OCIAD1: variants seen among roughly 807,000 people sequenced by gnomAD.
OCIAD1 encodes the protein OCIA domain-containing protein 1.
In OCIAD1, 29 loss-of-function variants were observed where a neutral mutation model predicts 38.9. The observed-to-expected ratio is 0.74, with a 90% CI of 0.55 to 1.02. OCIAD1 has a LOEUF of 1.02. OCIAD1 is among the 50% of genes least tolerant of loss of function. The probability of loss-of-function intolerance (pLI) is 0.00; values close to 1 mark genes in which losing one functional copy is unlikely to be tolerated. For missense variants in OCIAD1, 288 were observed against 289.6 expected (o/e 0.99, Z 0.04); for synonymous variants, 110 against 92.0 (o/e 1.20, Z -1.12).
At chr4:48,857,432 A>G (rs767375781) in intron 8 of OCIAD1, 67 bp downstream of exon 8, 9 of 962,104 alleles carry the variant, frequency 9.4e-6, no homozygotes, top group Non-Finnish European at 1.3e-5. Flanking sequence ...CTTTAAAACA[A>G]TACTATAAAA....
At chr4:48,841,465 A>G (rs1222954063) in intron 3 of OCIAD1, among the ~76,000 whole-genome samples, 2 of 152,122 alleles carry the variant, frequency 1.3e-5, no homozygotes, top group African/African-American at 4.8e-5. Flanking sequence ...AGTCATAACA[A>G]TGTGTGAAGT....
intron 6 of OCIAD1, 24 bp from the exon 7 acceptor site, chr4:48,851,782 C>T (rs1779499722): frequency 2.2e-6 from 3 of 1,384,612 alleles, no homozygotes; most frequent in Non-Finnish European, 2.1e-6. Context: ...ATATTTCTTA[C>T]TACAATATGA....
At chr4:48,851,230 C>G (rs1779426872) in intron 6 of OCIAD1, among the ~76,000 whole-genome samples, 1 of 152,176 alleles carries the variant, frequency 6.6e-6, no homozygotes, top group African/African-American at 2.4e-5. Flanking sequence ...CAAGAACTTT[C>G]AAACATACTA....
In OCIAD1 at chr4:48,815,265, G is replaced by A. The variant is rs568488898; in HGVS notation, c.-103+9935G>A. 7.9e-5 allele frequency among the ~76,000 whole-genome samples: 12 copies of A among 152,152 alleles called. No individual in the cohort carries two copies. In the South Asian group the frequency reaches 2.5e-3, roughly 32 times the overall value. On this transcript the variant is annotated intron_variant, in intron 1 of 6. Transcript: ENST00000504654. Reference sequence around the variant, plus strand: ...AAGGCGGAGGTTGCAGTGATCTGAGGTCGCGCCACACTCCAGCCCGGGGAA... The same window carrying A: ...AAGGCGGAGGTTGCAGTGATCTGAGATCGCGCCACACTCCAGCCCGGGGAA...
chr4:48,832,865 G>A (rs1236181011), intron 2 of OCIAD1, 183 bp downstream of exon 2: 3 of 591,518 alleles, frequency 5.1e-6, no homozygotes, highest in African/African-American at 1.9e-5. Context: ...GGAGTCCCAC[G>A]TTTTTATTTT....
chr4:48,842,534 A>G (rs1778631134), intron 3 of OCIAD1, 102 bp from the exon 4 acceptor site: 1 of 736,492 alleles, frequency 1.4e-6, no homozygotes, highest in Non-Finnish European at 2.4e-6. Context: ...TAGTTATGCA[A>G]TATAATTCCT....
At chr4:48,822,681 C>A (rs550986322) in intron 1 of OCIAD1, among the ~76,000 whole-genome samples, 1 of 151,896 alleles carries the variant, frequency 6.6e-6, no homozygotes, top group South Asian at 2.1e-4. Flanking sequence ...CTATAAGGAA[C>A]TTAAATTTAC....
chr4:48,810,800 A>G (rs1237437816), intron 1 of OCIAD1, among the ~76,000 whole-genome samples: 1 of 151,996 alleles, frequency 6.6e-6, no homozygotes, highest in Non-Finnish European at 1.5e-5. Flanking sequence ...GGCAGGAAAT[A>G]GAAGGGGGAT....
chr4:48,827,755 T>C (rs1579038179), upstream of OCIAD1, among the ~76,000 whole-genome samples: 1 of 152,242 alleles, frequency 6.6e-6, no homozygotes, highest in South Asian at 2.1e-4. Flanking sequence ...CAATCTACCA[T>C]GTGCTATTGC....
intron 1 of OCIAD1, among the ~76,000 whole-genome samples, chr4:48,825,583 C>T (rs1777242039): frequency 6.6e-6 from 1 of 152,142 alleles, no homozygotes; most frequent in African/African-American, 2.4e-5. Context: ...CAGAGGACCC[C>T]CAAAGAAGGT....
intron 4 of OCIAD1, among the ~76,000 whole-genome samples, chr4:48,846,978 G>A (rs1220334947): frequency 1.3e-5 from 2 of 151,604 alleles, no homozygotes; most frequent in Non-Finnish European, 2.9e-5. Flanking sequence ...GTTTTGCCAA[G>A]AATATGGTGC....
chr4:48,816,026 C>A (rs547858564), intron 1 of OCIAD1, among the ~76,000 whole-genome samples: 1 of 152,292 alleles, frequency 6.6e-6, no homozygotes, highest in East Asian at 1.9e-4. Context: ...CAACCATTCT[C>A]TTGCCAATAT....
At chr4:48,849,696 A>G (rs1779260715) in intron 5 of OCIAD1, among the ~76,000 whole-genome samples, 1 of 152,158 alleles carries the variant, frequency 6.6e-6, no homozygotes, top group Admixed American at 6.5e-5. Flanking sequence ...TTAGTATACT[A>G]TAATTGATTT....
At chr4:48,830,880 C>A (rs1326577630), upstream of OCIAD1, 1 of 154,520 alleles carries the variant, frequency 6.5e-6, no homozygotes, top group African/African-American at 2.4e-5. Context: ...CCTTCCCCGC[C>A]ATCCAGGGAA....
intron 1 of OCIAD1, among the ~76,000 whole-genome samples, chr4:48,813,433 C>G (rs142464689): frequency 2.6e-5 from 4 of 152,164 alleles, no homozygotes; most frequent in Admixed American, 2.0e-4. Flanking sequence ...GTGAGTGGAT[C>G]GCCTGAACTC....
intron 8 of OCIAD1, among the ~76,000 whole-genome samples, chr4:48,859,925 G>C (rs1307618336): frequency 6.6e-6 from 1 of 152,118 alleles, no homozygotes; most frequent in Non-Finnish European, 1.5e-5. Flanking sequence ...ACTCATGAGG[G>C]AATGAGAGCA....
intron 1 of OCIAD1, among the ~76,000 whole-genome samples, chr4:48,807,061 C>A (rs564158486): frequency 1.3e-5 from 2 of 152,298 alleles, no homozygotes; most frequent in Non-Finnish European, 2.9e-5. Flanking sequence ...ACACCACCAA[C>A]AGGTGGCTAT....
At chr4:48,817,904 G>C (rs1440744909) in intron 1 of OCIAD1, among the ~76,000 whole-genome samples, 1 of 152,212 alleles carries the variant, frequency 6.6e-6, no homozygotes, top group Non-Finnish European at 1.5e-5. Flanking sequence ...AACAGCCCTA[G>C]TCAGGGACTT....
chr4:48,807,828 T>A (rs1777044409), intron 1 of OCIAD1, among the ~76,000 whole-genome samples: 1 of 152,190 alleles, frequency 6.6e-6, no homozygotes, highest in Non-Finnish European at 1.5e-5. Flanking sequence ...GCTTCAAACG[T>A]GGGTGTTTCC....
Sources: allele counts gnomAD v4.1 joint callset (sites outside exome capture counted in the v4.1 genomes callset), GRCh38; gene constraint gnomAD v4.1.1; transcripts MANE v1.5; gene names NCBI Gene and HGNC (gene_info 2026-07-23, HGNC 2026-07-21).